RBFOX3: variants seen among roughly 807,000 people sequenced by gnomAD.
RBFOX3 encodes RNA binding protein fox-1 homolog 3.
Under a neutral mutation model 48.7 loss-of-function variants are expected in RBFOX3, and 17 were observed. The ratio of observed to expected loss-of-function variants is 0.35; its 90% CI spans 0.24 to 0.52. RBFOX3 has a LOEUF of 0.52. Among genes scored for constraint, RBFOX3 ranks in the 20% least tolerant of loss-of-function variants. The pLI is 0.94. For missense variants in RBFOX3, 382 were observed against 497.5 expected (o/e 0.77, Z 2.21); for synonymous variants, 212 against 209.5 (o/e 1.01, Z -0.10).
intron 1 of RBFOX3, among the ~76,000 whole-genome samples, chr17:79,505,057 C>T (rs1032627008): frequency 6.6e-6 from 1 of 152,172 alleles, no homozygotes; most frequent in East Asian, 1.9e-4. Flanking sequence ...CTGCTCTGAG[C>T]ATCCCCAAAG....
the RBFOX3 span, among the ~76,000 whole-genome samples, chr17:79,620,486 T>C: frequency 9.7e-5 from 13 of 134,530 alleles, no homozygotes; most frequent in South Asian, 1.5e-3. Flanking sequence ...CACACGCACG[T>C]GCACACACGC....
chr17:79,191,201 C>G (rs2054450918), intron 4 of RBFOX3, among the ~76,000 whole-genome samples: 1 of 152,128 alleles, frequency 6.6e-6, no homozygotes, highest in Admixed American at 6.5e-5. Flanking sequence ...AACCAATATC[C>G]CTTCCTCCAG....
chr17:79,452,290 G>T (rs1021859546), intron 2 of RBFOX3, among the ~76,000 whole-genome samples: 3 of 152,162 alleles, frequency 2.0e-5, no homozygotes, highest in Non-Finnish European at 2.9e-5. Flanking sequence ...GGCAGTGCAG[G>T]ATGGAGGCCC....
intron 4 of RBFOX3, among the ~76,000 whole-genome samples, chr17:79,159,159 C>T (rs1379532418): frequency 6.6e-6 from 1 of 152,114 alleles, no homozygotes; most frequent in Admixed American, 6.5e-5. Flanking sequence ...GAGCGGAGAC[C>T]CAAAGAGCTG....
intron 4 of RBFOX3, among the ~76,000 whole-genome samples, chr17:79,185,991 C>G (rs1202311308): frequency 6.6e-6 from 1 of 152,326 alleles, no homozygotes; most frequent in Admixed American, 6.5e-5. Flanking sequence ...GAGCTCAGAT[C>G]TGGGGTGTGG....
At chr17:79,325,869 AG>A (rs1304512843) in intron 2 of RBFOX3, among the ~76,000 whole-genome samples, 1 of 152,178 alleles carries the variant, frequency 6.6e-6, no homozygotes, top group Non-Finnish European at 1.5e-5. Context: ...TTGCAGAAAA[AG>A]GAGCCTCCTA....
At chr17:79,577,337 C>A (rs1273149313) in intron 1 of RBFOX3, among the ~76,000 whole-genome samples, 1 of 152,182 alleles carries the variant, frequency 6.6e-6, no homozygotes, top group Non-Finnish European at 1.5e-5. Context: ...GGGCAAATGG[C>A]ACCCTCCATG....
At chr17:79,340,794 T>C (rs897525913) in intron 2 of RBFOX3, among the ~76,000 whole-genome samples, 2 of 152,052 alleles carry the variant, frequency 1.3e-5, no homozygotes, top group African/African-American at 4.8e-5. Flanking sequence ...TTGCTAACCA[T>C]GAAAGCAAAT....
chr17:79,106,568 G>A (rs935894486), intron 6 of RBFOX3, 83 bp downstream of exon 6: 16 of 1,376,550 alleles, frequency 1.2e-5, no homozygotes, highest in East Asian at 6.1e-5. Flanking sequence ...AACAGGTGTC[G>A]GCAGGAAGGC....
intron 1 of RBFOX3, among the ~76,000 whole-genome samples, chr17:79,607,809 C>T (rs1010103906): frequency 1.2e-4 from 18 of 152,332 alleles, no homozygotes; most frequent in African/African-American, 4.3e-4. Context: ...ATGGCATTTT[C>T]TCTGGCCACT....
chr17:79,103,099 G>A lies in RBFOX3; in HGVS notation c.507+63C>T, dbSNP rs2076746284. The A allele has an allele frequency of 7.9e-7, 1 of 1,267,918 alleles. No homozygotes were observed. The highest frequency in any genetic ancestry group is 1.1e-6 in the Non-Finnish European group (1 of 891,910). The allele number at this position is 1,267,918 out of a possible 1,614,324, so 78.5% of individuals were successfully genotyped here. A position where few individuals can be genotyped will look rare whatever the true frequency, so the allele number is the denominator to read the frequency against. On this transcript the variant is annotated intron_variant, in intron 8 of 14. Transcript: ENST00000693108. The surrounding 1 kb of genome is among the most constrained non-coding windows in gnomAD (Gnocchi z 6.1). ...GGCAGTGGCAGGGCTGGTTGGTTGG[G>A]GGAGCTGGGGGGCAGGTGGGCGATC...
intron 1 of RBFOX3, among the ~76,000 whole-genome samples, chr17:79,519,283 G>A (rs986388519): frequency 2.2e-4 from 34 of 152,236 alleles, no homozygotes; most frequent in Admixed American, 1.0e-3. Flanking sequence ...ACTCCCCACA[G>A]AGTGCTCCTG....
chr17:79,384,599 C>A (rs76832622), intron 2 of RBFOX3, among the ~76,000 whole-genome samples: 1 of 152,214 alleles, frequency 6.6e-6, no homozygotes, highest in African/African-American at 2.4e-5. Flanking sequence ...CCTGCCAGCA[C>A]CCTCCTCAGG....
intron 1 of RBFOX3, among the ~76,000 whole-genome samples, chr17:79,496,801 GTTCAC>G (rs2081602218): frequency 1.3e-5 from 2 of 152,176 alleles, no homozygotes; most frequent in Non-Finnish European, 1.5e-5. Context: ...TATCTTAGGT[GTTCAC>G]GAGATTGTCA....
At chr17:79,289,616 C>T (rs1484635109) in intron 3 of RBFOX3, among the ~76,000 whole-genome samples, 1 of 152,258 alleles carries the variant, frequency 6.6e-6, no homozygotes, top group Non-Finnish European at 1.5e-5. Flanking sequence ...TCTGGTCCTA[C>T]TTCCTGGCTC....
At chr17:79,302,628 G>A (rs986081152) in intron 3 of RBFOX3, among the ~76,000 whole-genome samples, 3 of 152,082 alleles carry the variant, frequency 2.0e-5, no homozygotes, top group African/African-American at 7.2e-5. Context: ...TTGCACTCCA[G>A]CCTGGGCAAC....
intron 2 of RBFOX3, among the ~76,000 whole-genome samples, chr17:79,478,916 C>A (rs1323905423): frequency 6.6e-6 from 1 of 152,226 alleles, no homozygotes. Flanking sequence ...AGGACCCTTT[C>A]CGAGGCAGAG....
intron 3 of RBFOX3, among the ~76,000 whole-genome samples, chr17:79,281,334 C>T (rs916558444): frequency 2.7e-5 from 4 of 149,864 alleles, no homozygotes; most frequent in Admixed American, 2.0e-4. Context: ...GAAGGAGCCG[C>T]GGGCTTGTGG....
the RBFOX3 span, among the ~76,000 whole-genome samples, chr17:79,658,120 G>C: frequency 6.6e-6 from 1 of 152,128 alleles, no homozygotes; most frequent in Non-Finnish European, 1.5e-5. Flanking sequence ...TTTAAGTCCA[G>C]GAGAATTTGC....
Sources: gnomAD v4.1 joint callset for allele counts (sites outside exome capture counted in the v4.1 genomes callset) on GRCh38, gnomAD v4.1.1 for gene constraint, Gnocchi (gnomAD v3.1) non-coding constraint, MANE v1.5 for transcripts, NCBI Gene and HGNC (gene_info 2026-07-23, HGNC 2026-07-21) for gene names.